Variants in IRAK3 observed in about 807,000 individuals in gnomAD.
The protein encoded by IRAK3 is interleukin-1 receptor-associated kinase 3.
Under a neutral mutation model 56.6 loss-of-function variants are expected in IRAK3, and 57 were observed. That is an observed-to-expected ratio of 1.01 (90% CI 0.81 to 1.26). The LOEUF is 1.26. Ranked by LOEUF, IRAK3 falls within the 50% of genes most tolerant of loss-of-function variation. The pLI is 0.00. For missense variants in IRAK3, 703 were observed against 719.0 expected (o/e 0.98, Z 0.25); for synonymous variants, 258 against 255.7 (o/e 1.01, Z -0.09).
At chr12:66,207,647 T>C (rs1481252189) in intron 2 of IRAK3, among the ~76,000 whole-genome samples, 1 of 152,196 alleles carries the variant, frequency 6.6e-6, no homozygotes, top group African/African-American at 2.4e-5. Context: ...TTTTTTAAGG[T>C]AGGCATTTGC....
intron 5 of IRAK3, among the ~76,000 whole-genome samples, chr12:66,212,796 A>G (rs2052625636): frequency 6.6e-6 from 1 of 152,232 alleles, no homozygotes; most frequent in East Asian, 1.9e-4. Flanking sequence ...CAAACACTGC[A>G]TGTTCTCACT....
At chr12:66,204,173 T>C (rs769973356) in intron 2 of IRAK3, among the ~76,000 whole-genome samples, 27 of 152,216 alleles carry the variant, frequency 1.8e-4, no homozygotes, top group Non-Finnish European at 3.4e-4. Flanking sequence ...AATGTTTCAT[T>C]TTTAGCAGTT....
intron 8 of IRAK3, chr12:66,235,277 G>A: frequency 2.0e-6 from 3 of 1,523,618 alleles, no homozygotes; most frequent in Non-Finnish European, 2.6e-6. Context: ...GCTGCTGCTG[G>A]GGAAGATCAT....
rs188201877 is a variant in IRAK3, at chr12:66,218,478, A to G, written c.653+1243A>G. Among the ~76,000 whole-genome samples, 16 of 152,318 alleles carry G rather than the reference A, an allele frequency of 1.1e-4. No homozygotes were observed. In the East Asian group the frequency reaches 2.7e-3, roughly 26 times the overall value. On this transcript the variant is annotated intron_variant, in intron 6 of 11. Transcript: ENST00000261233. ...TGGTTATGTGCATTTTATCATAACA[A>G]ATTGTCCTCCAATATAAGTTATACC...
At chr12:66,226,634 A>T (rs2052788934) in intron 6 of IRAK3, 89 bp from the exon 7 acceptor site, 10 of 782,220 alleles carry the variant, frequency 1.3e-5, no homozygotes, top group Non-Finnish European at 2.1e-5. Flanking sequence ...CCTATTCCCC[A>T]TCCCACCTTA....
Position 66,248,384 on chromosome 12 carries a change from C to T in IRAK3, c.*213C>T, listed in dbSNP as rs2136956077. 1 of 492,460 alleles carries T rather than the reference C, an allele frequency of 2.0e-6. No individual in the cohort carries two copies. Among genetic ancestry groups the T allele is most frequent in the South Asian group, 3.0e-5 (1 of 33,616 alleles). 30.5% of individuals were successfully genotyped at this position (492,460 alleles called of 1,614,324 possible). On this transcript the variant is annotated 3_prime_UTR_variant, in exon 12 of 12. Coordinates refer to ENST00000261233, the MANE Select transcript of IRAK3 (RefSeq NM_007199.3). Reference sequence around the variant, plus strand: ...AAAATTGTTTTATCAGGATAATTGTCTCATGACCAAATCCACGCTCAATTA... The same window carrying T: ...AAAATTGTTTTATCAGGATAATTGTTTCATGACCAAATCCACGCTCAATTA...
rs1431563621 is a variant in IRAK3 at position 66,210,190 on chromosome 12, A to T, written c.425A>T (p.His142Leu). ...GTGGATAATGTTCTTATTCCTGAAC[A>T]TAATGAAAAAGGTATGAAAAAACCA... ...VTVDNVLIPE[H>L]NEKGILLKSS... The change falls in exon 4 of 12, where the codon CAT becomes CTT. Residue 142 changes from histidine to leucine, a missense_variant. His to Leu is a moderately conservative substitution (Grantham distance 99). Transcript: ENST00000261233. The T allele has an allele frequency of 1.9e-6, 3 of 1,602,590 alleles. No homozygotes were observed. In the East Asian group the frequency reaches 6.7e-5, roughly 36 times the overall value.
intron 11 of IRAK3, among the ~76,000 whole-genome samples, chr12:66,247,405 A>G (rs996351224): frequency 2.0e-5 from 3 of 152,244 alleles, no homozygotes; most frequent in Admixed American, 6.5e-5. Flanking sequence ...TAAAAAATGT[A>G]GAGACTTGCC....
Position 66,217,206 on chromosome 12 carries a change from GT to G in IRAK3, c.629del (p.Leu210TyrfsTer16). ...TGCAGTGTAAGAAGCATTGGAAGAG[GT>G]TTTTATCTGAGCTTGAAGTTTTACT... ...KMQCKKHWKR[F>X]LSELEVLLLF... On this transcript the variant is annotated frameshift_variant, in exon 6 of 12. Coordinates refer to ENST00000261233, the MANE Select transcript of IRAK3 (RefSeq NM_007199.3). LOFTEE classifies it high-confidence loss of function. 1 of 1,611,848 alleles carries G rather than the reference GT, an allele frequency of 6.2e-7. No homozygotes were observed. The highest frequency in any genetic ancestry group is 8.5e-7 in the Non-Finnish European group (1 of 1,178,056).
In IRAK3 at chr12:66,253,308, G is replaced by A. The variant is rs950885030; in HGVS notation, c.*5137G>A. On this transcript the variant is annotated 3_prime_UTR_variant, in exon 12 of 12. Coordinates refer to ENST00000261233, the MANE Select transcript of IRAK3 (RefSeq NM_007199.3). ...GATATCTTCGAAAAGAAGATTAGTC[G>A]TTGTATGTGTTGCTTATAAATTTTC... 2.0e-5 allele frequency: 3 copies of A among 152,132 alleles called. No homozygotes were observed. Among genetic ancestry groups the A allele is most frequent in the African/African-American group, 4.8e-5 (2 of 41,428 alleles). 9.4% of individuals were successfully genotyped at this position (152,132 alleles called of 1,614,324 possible).
chr12:66,220,451 T>C (rs1037865397), intron 6 of IRAK3, among the ~76,000 whole-genome samples: 1 of 151,760 alleles, frequency 6.6e-6, no homozygotes, highest in African/African-American at 2.4e-5. Context: ...CTGTTTTTAT[T>C]ACTATAGCTC....
chr12:66,234,680 A>C, intron 8 of IRAK3: 4 of 1,609,878 alleles, frequency 2.5e-6, no homozygotes. Flanking sequence ...TGTCTTAATA[A>C]ATTTTCCATT....
chr12:66,204,427 T>G (rs1190322542), intron 2 of IRAK3, among the ~76,000 whole-genome samples: 1 of 152,206 alleles, frequency 6.6e-6, no homozygotes, highest in Non-Finnish European at 1.5e-5. Flanking sequence ...GCCTTACTTG[T>G]TACTACCCAT....
At chr12:66,196,898 G>A (rs1306125129) in intron 1 of IRAK3, 2 of 1,523,520 alleles carry the variant, frequency 1.3e-6, no homozygotes, top group East Asian at 5.0e-5. Context: ...AACAAGCTTT[G>A]TGAGAATGGA....
At chr12:66,228,110 G>C in intron 7 of IRAK3, 142 bp from the exon 8 acceptor site, 1 of 768,488 alleles carries the variant, frequency 1.3e-6, no homozygotes, top group Non-Finnish European at 2.4e-6. Flanking sequence ...TTAAAAATAG[G>C]TTTTGGAAAA....
At chr12:66,245,342 G>A in intron 11 of IRAK3, 80 bp downstream of exon 11, 2 of 1,423,470 alleles carry the variant, frequency 1.4e-6, no homozygotes, top group Non-Finnish European at 2.0e-6. Flanking sequence ...GTGTATCTAA[G>A]TGAATTATTT....
chr12:66,239,757 C>T (rs2052945994), intron 8 of IRAK3, among the ~76,000 whole-genome samples: 1 of 152,154 alleles, frequency 6.6e-6, no homozygotes, highest in Non-Finnish European at 1.5e-5. Context: ...GATGCCAAAA[C>T]AATTAAATAT....
At chr12:66,214,202 G>A (rs928592952) in intron 5 of IRAK3, among the ~76,000 whole-genome samples, 1 of 152,054 alleles carries the variant, frequency 6.6e-6, no homozygotes. Flanking sequence ...GAAGTTGGCA[G>A]AAGAATTGGG....
At chr12:66,234,514 G>C in intron 8 of IRAK3, 5 of 1,611,994 alleles carry the variant, frequency 3.1e-6, no homozygotes, top group Non-Finnish European at 4.2e-6. Context: ...CTGTAGTTGG[G>C]TCGTAAGTAA....
Sources: allele counts gnomAD v4.1 joint callset (sites outside exome capture counted in the v4.1 genomes callset), GRCh38; gene constraint gnomAD v4.1.1; transcripts MANE v1.5; gene names NCBI Gene and HGNC (gene_info 2026-07-23, HGNC 2026-07-21).